Variants in RGS6 observed in about 807,000 individuals in gnomAD.
RGS6 encodes the protein regulator of G-protein signaling 6.
A neutral mutation model predicts 78.5 loss-of-function variants in RGS6; 30 were observed. That is an observed-to-expected ratio of 0.38 (90% CI 0.29 to 0.52). The LOEUF (loss-of-function observed/expected upper bound fraction) is 0.52. RGS6 is among the 20% of genes least tolerant of loss of function. The pLI, the probability that RGS6 is intolerant of heterozygous loss-of-function variation, is 0.85. For missense variants in RGS6, 495 were observed against 609.7 expected (o/e 0.81, Z 1.98); for synonymous variants, 206 against 206.0 (o/e 1.00, Z 0.00).
chr14:72,369,899 C>G (rs1011190084), intron 3 of RGS6, among the ~76,000 whole-genome samples: 1 of 152,032 alleles, frequency 6.6e-6, no homozygotes, highest in Non-Finnish European at 1.5e-5. Flanking sequence ...AAAATAATCT[C>G]TTAAAATATT....
At chr14:72,607,090 T>A in the RGS6 span, among the ~76,000 whole-genome samples, 1 of 152,140 alleles carries the variant, frequency 6.6e-6, no homozygotes, top group South Asian at 2.1e-4. Context: ...TCCCTCTGAC[T>A]CAGGGCAATG....
chr14:72,560,212 C>T (rs1254963786), intron 17 of RGS6, among the ~76,000 whole-genome samples: 8 of 151,884 alleles, frequency 5.3e-5, no homozygotes, highest in Admixed American at 3.9e-4. Context: ...GTGGCCCTGG[C>T]GAAGGAGGGA....
intron 3 of RGS6, among the ~76,000 whole-genome samples, chr14:72,361,664 G>A (rs185192054): frequency 6.6e-6 from 1 of 152,218 alleles, no homozygotes; most frequent in African/African-American, 2.4e-5. Flanking sequence ...GGAAGACTGA[G>A]CTGTGTGAAT....
intron 2 of RGS6, among the ~76,000 whole-genome samples, chr14:72,195,570 A>G (rs1372889238): frequency 1.3e-5 from 2 of 152,210 alleles, no homozygotes; most frequent in African/African-American, 4.8e-5. Context: ...AATAGCCAGG[A>G]AAGTGGGAGA....
At chr14:72,035,239 T>C (rs1244549234) in intron 2 of RGS6, among the ~76,000 whole-genome samples, 2 of 152,160 alleles carry the variant, frequency 1.3e-5, no homozygotes, top group African/African-American at 4.8e-5. Context: ...GATGGTATGT[T>C]TGTAGGAATT....
the RGS6 span, chr14:72,612,465 C>A: frequency 5.8e-4 from 302 of 518,054 alleles, 2 homozygotes; most frequent in East Asian, 0.016. Flanking sequence ...TAGGCTTCTT[C>A]AACTACATGT....
At chr14:72,334,015 C>A (rs1363900552) in intron 2 of RGS6, among the ~76,000 whole-genome samples, 2 of 152,202 alleles carry the variant, frequency 1.3e-5, no homozygotes, top group Non-Finnish European at 2.9e-5. Context: ...ACCACAAATG[C>A]GGATTGTGCC....
At chr14:72,133,506 T>C (rs2238256) in intron 2 of RGS6, among the ~76,000 whole-genome samples, 63,896 of 151,908 alleles carry the variant, frequency 0.42, 14,550 homozygotes, top group African/African-American at 0.6. Flanking sequence ...CTGGTTTTCT[T>C]CTTCAGAGCA....
intron 2 of RGS6, among the ~76,000 whole-genome samples, chr14:72,106,661 A>T (rs1271577465): frequency 6.6e-6 from 1 of 152,172 alleles, no homozygotes. Flanking sequence ...AGCCGCAATC[A>T]TTTAGTCTTT....
At chr14:72,116,823 G>C (rs1252841921) in intron 2 of RGS6, among the ~76,000 whole-genome samples, 2 of 151,960 alleles carry the variant, frequency 1.3e-5, no homozygotes, top group Admixed American at 6.6e-5. Context: ...AATTAACCAG[G>C]CTTCATGGTG....
intron 3 of RGS6, among the ~76,000 whole-genome samples, chr14:72,385,135 A>G (rs566099168): frequency 2.0e-5 from 3 of 152,266 alleles, no homozygotes; most frequent in South Asian, 2.1e-4. Flanking sequence ...CTTGCTTGCC[A>G]TGTCGTTTAT....
intron 12 of RGS6, among the ~76,000 whole-genome samples, chr14:72,491,914 C>T (rs1343890925): frequency 6.6e-6 from 1 of 152,184 alleles, no homozygotes. Context: ...ATCTCCTGCC[C>T]TACTAGGAAA....
At chr14:72,081,170 G>C (rs953807698) in intron 2 of RGS6, among the ~76,000 whole-genome samples, 13 of 152,116 alleles carry the variant, frequency 8.5e-5, no homozygotes, top group African/African-American at 3.1e-4. Context: ...CCATACATGT[G>C]TGTCTTCAAG....
At chr14:72,528,845 C>T (rs1043788877) in intron 15 of RGS6, among the ~76,000 whole-genome samples, 3 of 152,180 alleles carry the variant, frequency 2.0e-5, no homozygotes, top group Non-Finnish European at 4.4e-5. Flanking sequence ...TCTGAATATA[C>T]ATTTCCCTTA....
At chr14:72,238,878 A>G (rs537250290) in intron 2 of RGS6, among the ~76,000 whole-genome samples, 2 of 152,274 alleles carry the variant, frequency 1.3e-5, no homozygotes, top group African/African-American at 4.8e-5. Context: ...TGTAAACTCA[A>G]GTTGTCCCCC....
rs77574070 is a variant in RGS6 at position 72,453,289 on chromosome 14, G to A, written c.185-1239G>A. 9.9e-3 allele frequency among the ~76,000 whole-genome samples: 1,510 copies of A among 152,192 alleles called. 54 individuals carry two copies. The highest frequency in any genetic ancestry group is 0.094 in the East Asian group (485 of 5,166). On this transcript the variant is annotated intron_variant, in intron 3 of 17. Transcript: ENST00000553525. ...GTCCAGGGTGTTGTGAATGGGACAT[G>A]TATTGGCTGGGGTTGGAGTAGACAA... is the stretch of plus-strand genomic sequence containing the variant.
the RGS6 span, among the ~76,000 whole-genome samples, chr14:71,897,368 A>G: frequency 1.3e-5 from 2 of 152,120 alleles, no homozygotes; most frequent in African/African-American, 4.8e-5. Context: ...TTGGGATTAT[A>G]TTTACTTCCC....
intron 2 of RGS6, among the ~76,000 whole-genome samples, chr14:72,052,447 G>A (rs1177568336): frequency 3.5e-4 from 53 of 152,192 alleles, no homozygotes; most frequent in Admixed American, 3.4e-3. Context: ...AATTAACTCA[G>A]TGAGCAGCTT....
chr14:72,596,622 G>A, the RGS6 span, among the ~76,000 whole-genome samples: 1 of 152,196 alleles, frequency 6.6e-6, no homozygotes, highest in South Asian at 2.1e-4. Context: ...CCCAGAGGAA[G>A]AATTGACTGC....
Sources: allele counts gnomAD v4.1 joint callset (sites outside exome capture counted in the v4.1 genomes callset), GRCh38; gene constraint gnomAD v4.1.1; transcripts MANE v1.5; gene names NCBI Gene and HGNC (gene_info 2026-07-23, HGNC 2026-07-21).